GALK2: variants seen among roughly 807,000 people sequenced by gnomAD.
GALK2 encodes galactokinase 2.
GALK2 carries 36 observed loss-of-function variants against 52.4 expected under a neutral mutation model. The ratio of observed to expected loss-of-function variants is 0.69; its 90% confidence interval spans 0.53 to 0.91. GALK2 has a LOEUF of 0.91. Among genes scored for constraint, GALK2 ranks in the 40% least tolerant of loss-of-function variants. The pLI is 0.00. For missense variants in GALK2, 579 were observed against 559.1 expected, an observed-to-expected ratio of 1.04 and a Z score of -0.36; for synonymous variants, 176 against 199.1, an observed-to-expected ratio of 0.88 and a Z score of 0.98.
chr15:49,266,997 A>T (rs2092383865), intron 5 of GALK2, among the ~76,000 whole-genome samples: 1 of 152,150 alleles, frequency 6.6e-6, no homozygotes, highest in Non-Finnish European at 1.5e-5. Flanking sequence ...GAACGAGATG[A>T]TGAACTAAAA....
chr15:49,352,072 T>A (rs955736765), intron 3 of GALK2, among the ~76,000 whole-genome samples: 2 of 152,172 alleles, frequency 1.3e-5, no homozygotes, highest in African/African-American at 4.8e-5. Flanking sequence ...TCCTCATTTA[T>A]GTGTCTGGGG....
rs914019637 is a variant in GALK2 at position 49,330,189 on chromosome 15, G to A, written c.*2030G>A. 9 of 152,248 alleles carry A rather than the reference G, an allele frequency of 5.9e-5. No homozygotes were observed. The highest frequency in any genetic ancestry group is 2.2e-4 in the African/African-American group (9 of 41,440). 9.4% of individuals were successfully genotyped at this position (152,248 alleles called of 1,614,324 possible). A position where few individuals can be genotyped will look rare whatever the true frequency, so the allele number is the denominator to read the frequency against. On this transcript the variant is annotated 3_prime_UTR_variant, in exon 10 of 10. Transcript: ENST00000560031. ...CAGATGAGCAAAGCCTATGGGTATA[G>A]GCAAACATGGTGTGTGTAGGAGGCT...
At chr15:49,273,436 T>A (rs1049371612) in intron 5 of GALK2, among the ~76,000 whole-genome samples, 4 of 152,206 alleles carry the variant, frequency 2.6e-5, no homozygotes, top group Non-Finnish European at 5.9e-5. Flanking sequence ...GTCTTTGTCC[T>A]CAGGCAACTT....
In GALK2 at chr15:49,367,489, A is replaced by G. The variant is rs1380296844; in HGVS notation, c.427-2A>G. ...TAGTGAGTTTAATCTTGGTTTTCTT[A>G]GGTGCTTTGGAAATACCAGCCAGCT... On this transcript the variant is annotated splice_acceptor_variant, in intron 3 of 3. Coordinates refer to the GALK2 transcript ENST00000558399. LOFTEE classifies it high-confidence loss of function. 27 of 1,602,454 alleles carry G rather than the reference A, an allele frequency of 1.7e-5. No individual in the cohort carries two copies. Among genetic ancestry groups the G allele is most frequent in the African/African-American group, 5.4e-5 (4 of 74,256 alleles).
rs1337711466 is a variant in GALK2, at chr15:49,160,941, CTTT to C, written c.20+4927_20+4929del. Among the ~76,000 whole-genome samples the C allele has an allele frequency of 2.6e-5, 4 of 152,082 alleles. No homozygotes were observed. The East Asian group carries it at 7.7e-4, about 29-fold the overall frequency. On this transcript the variant is annotated intron_variant, in intron 1 of 9. Transcript: ENST00000327171. ...GACAGTAAATCACATGGTTACTCTA[CTTT>C]TAATTGTTCAAAAGAGAAAATAGGA...
intron 3 of GALK2, among the ~76,000 whole-genome samples, chr15:49,358,296 T>C (rs1378856112): frequency 7.9e-6 from 1 of 126,110 alleles, no homozygotes; most frequent in Non-Finnish European, 1.7e-5. Flanking sequence ...GAAGTCAAAT[T>C]GTCCCTGTTT....
intron 8 of GALK2, among the ~76,000 whole-genome samples, chr15:49,298,280 T>C (rs2034658661): frequency 6.6e-6 from 1 of 152,172 alleles, no homozygotes; most frequent in Non-Finnish European, 1.5e-5. Flanking sequence ...ATCCTGAAAC[T>C]TTACTGAAGT....
chr15:49,160,692 G>A (rs752062691), intron 1 of GALK2, among the ~76,000 whole-genome samples: 2 of 151,962 alleles, frequency 1.3e-5, no homozygotes, highest in African/African-American at 2.4e-5. Context: ...GTGAAACCCC[G>A]TCTCTACTAA....
At chr15:49,295,829 G>T (rs1216995414) in intron 8 of GALK2, among the ~76,000 whole-genome samples, 1 of 152,082 alleles carries the variant, frequency 6.6e-6, no homozygotes, top group Non-Finnish European at 1.5e-5. Flanking sequence ...CTTATCTTCT[G>T]CTTATGCTTC....
Position 49,331,724 on chromosome 15 carries a change from C to A in GALK2, c.*3565C>A. 9.4e-7 allele frequency: 1 copy of A among 1,065,364 alleles called. No individual in the cohort carries two copies. The highest frequency in any genetic ancestry group is 1.3e-5 in the South Asian group (1 of 78,766). The allele number at this position is 1,065,364 out of a possible 1,614,324, so 66.0% of individuals were successfully genotyped here. On this transcript the variant is annotated 3_prime_UTR_variant, in exon 10 of 10. Transcript: ENST00000560031. ...CATTGCTTATGAAATATTGTCCAGT[C>A]TATATAAAAGAAGCTAGAGAGAGAA...
chr15:49,177,018 T>C (rs895217304), intron 1 of GALK2, among the ~76,000 whole-genome samples: 2 of 152,080 alleles, frequency 1.3e-5, no homozygotes, highest in African/African-American at 4.8e-5. Flanking sequence ...TAGAAATTTG[T>C]ATTTTTTCTA....
upstream of GALK2, chr15:49,169,230 A>G (rs141985261): frequency 2.8e-3 from 430 of 151,998 alleles, 4 homozygotes; most frequent in African/African-American, 0.01. Context: ...TTATGCTACT[A>G]CCCCTAGTGT....
intron 5 of GALK2, among the ~76,000 whole-genome samples, chr15:49,281,017 A>G (rs1033008178): frequency 6.6e-6 from 1 of 152,048 alleles, no homozygotes; most frequent in Non-Finnish European, 1.5e-5. Context: ...TTGTATTTTT[A>G]GTAGAGATGG....
chr15:49,163,932 A>AT (rs887417596), intron 1 of GALK2, among the ~76,000 whole-genome samples: 4 of 151,788 alleles, frequency 2.6e-5, no homozygotes, highest in Non-Finnish European at 5.9e-5. Flanking sequence ...CATCTTTAAA[A>AT]TTTTTTTTTA....
chr15:49,266,356 A>C (rs577660284), intron 5 of GALK2, among the ~76,000 whole-genome samples: 1 of 152,286 alleles, frequency 6.6e-6, no homozygotes, highest in East Asian at 1.9e-4. Context: ...TGGAACTGCA[A>C]AGTCACATTG....
intron 1 of GALK2, among the ~76,000 whole-genome samples, chr15:49,192,238 A>G (rs1300590673): frequency 1.3e-5 from 2 of 152,004 alleles, no homozygotes; most frequent in African/African-American, 4.8e-5. Context: ...GCTTATTGCT[A>G]ATATGATAGT....
intron 5 of GALK2, among the ~76,000 whole-genome samples, chr15:49,267,046 G>A (rs2092385838): frequency 6.6e-6 from 1 of 152,122 alleles, no homozygotes; most frequent in South Asian, 2.1e-4. Flanking sequence ...ACGTAAAGGG[G>A]TAAAGGGTGT....
intron 2 of GALK2, among the ~76,000 whole-genome samples, chr15:49,210,834 C>G (rs1407522441): frequency 1.3e-5 from 2 of 152,058 alleles, no homozygotes; most frequent in African/African-American, 4.8e-5. Flanking sequence ...GCAACCTGCA[C>G]TTCCTGGACT....
chr15:49,242,766 T>G (rs1358157035), intron 5 of GALK2, among the ~76,000 whole-genome samples: 1 of 152,232 alleles, frequency 6.6e-6, no homozygotes, highest in Non-Finnish European at 1.5e-5. Context: ...GAGAGTATGA[T>G]GTGGCAAAAG....
Sources: gnomAD v4.1 joint callset for allele counts (sites outside exome capture counted in the v4.1 genomes callset) on GRCh38, gnomAD v4.1.1 for gene constraint, MANE v1.5 for transcripts, NCBI Gene and HGNC (gene_info 2026-07-23, HGNC 2026-07-21) for gene names.